CAMTA1: variants seen among roughly 807,000 people sequenced by gnomAD.
CAMTA1 encodes calmodulin binding transcription activator 1.
A neutral mutation model predicts 170.9 loss-of-function variants in CAMTA1; 27 were observed. The observed-to-expected ratio is 0.16, with a 90% CI of 0.12 to 0.22. The LOEUF (loss-of-function observed/expected upper bound fraction) is 0.22. CAMTA1 is among the 10% of genes least tolerant of loss of function. CAMTA1 has a pLI of 1.00. For missense variants in CAMTA1, 1,619 were observed against 2,217.2 expected (o/e 0.73, Z 5.42); for synonymous variants, 833 against 891.5 (o/e 0.93, Z 1.17).
chr1:6,824,364 A>C (rs1478549156), intron 2 of CAMTA1, among the ~76,000 whole-genome samples: 1 of 152,200 alleles, frequency 6.6e-6, no homozygotes, highest in East Asian at 1.9e-4. Context: ...CTCTTCTAGA[A>C]ATCATCAGGT....
At chr1:7,687,247 G>C (rs2096266662) in intron 11 of CAMTA1, among the ~76,000 whole-genome samples, 1 of 151,588 alleles carries the variant, frequency 6.6e-6, no homozygotes, top group Non-Finnish European at 1.5e-5. Context: ...AGGAGGGAGG[G>C]GGACAGCCAG....
intron 1 of CAMTA1, among the ~76,000 whole-genome samples, chr1:6,789,804 C>CTTTTTTT (rs34542033): frequency 7.0e-5 from 6 of 85,662 alleles, no homozygotes; most frequent in Non-Finnish European, 6.4e-5. Context: ...TTTAGTGTAT[C>CTTTTTTT]TTTTTTTTTT....
At chr1:7,656,359 C>T (rs1287611353) in intron 7 of CAMTA1, among the ~76,000 whole-genome samples, 1 of 152,236 alleles carries the variant, frequency 6.6e-6, no homozygotes, top group African/African-American at 2.4e-5. Context: ...ACTGCTTCCT[C>T]ATATAACCAT....
rs1022922845 is a variant in CAMTA1 at position 7,092,517 on chromosome 1, C to T, written c.302+1146C>T. ...GGAAGGAAGGTTAGTTATTGAGGCT[C>T]CCTTCCCCAGGTGGCTCTGAATGGT... is the stretch of plus-strand genomic sequence containing the variant. On this transcript the variant is annotated intron_variant, in intron 4 of 22. Transcript: ENST00000303635. The surrounding 1 kb of genome is among the most constrained non-coding windows in gnomAD (Gnocchi z 5.0). Among the ~76,000 whole-genome samples, 3 of 152,168 alleles carry T rather than the reference C, an allele frequency of 2.0e-5. No homozygotes were observed. Among genetic ancestry groups the T allele is most frequent in the African/African-American group, 7.2e-5 (3 of 41,434 alleles).
chr1:7,761,378 C>T (rs939116231), intron 22 of CAMTA1, among the ~76,000 whole-genome samples: 4 of 152,104 alleles, frequency 2.6e-5, no homozygotes, highest in Admixed American at 2.6e-4. Flanking sequence ...GGGAAGACTG[C>T]TTTGCCTGTC....
intron 1 of CAMTA1, among the ~76,000 whole-genome samples, chr1:6,801,656 T>C (rs1241938502): frequency 1.3e-5 from 2 of 152,348 alleles, no homozygotes; most frequent in South Asian, 2.1e-4. Flanking sequence ...TTTTATGTTA[T>C]GCATATTTTG....
At chr1:7,331,996 C>A (rs1363458250) in intron 5 of CAMTA1, among the ~76,000 whole-genome samples, 1 of 152,186 alleles carries the variant, frequency 6.6e-6, no homozygotes, top group South Asian at 2.1e-4. Context: ...TGGCTTCCCC[C>A]ACAACATAAA....
At chr1:7,421,500 G>A (rs2091556938) in intron 5 of CAMTA1, among the ~76,000 whole-genome samples, 1 of 152,326 alleles carries the variant, frequency 6.6e-6, no homozygotes, top group East Asian at 1.9e-4. Flanking sequence ...TGGAGAGGCT[G>A]AACGTGACGA....
At chr1:7,275,573 A>G (rs955192708) in intron 5 of CAMTA1, among the ~76,000 whole-genome samples, 4 of 152,130 alleles carry the variant, frequency 2.6e-5, no homozygotes, top group Non-Finnish European at 5.9e-5. Context: ...AAAAGGATGC[A>G]TCACTACAGA....
chr1:6,859,246 T>C lies in CAMTA1; in HGVS notation c.234+34036T>C, dbSNP rs867845571. On this transcript the variant is annotated intron_variant, in intron 3 of 22. Transcript: ENST00000303635. Reference sequence around the variant, plus strand: ...TTGAGTGTACATACAAGAGGAATCATATACAGCTTCCCTGTTTTTTCCTCC... The same window carrying C: ...TTGAGTGTACATACAAGAGGAATCACATACAGCTTCCCTGTTTTTTCCTCC... Among the ~76,000 whole-genome samples, 7 of 152,334 alleles carry C rather than the reference T, an allele frequency of 4.6e-5. No individual in the cohort carries two copies. The Middle Eastern group carries it at 0.01, about 222-fold the overall frequency.
intron 1 of CAMTA1, among the ~76,000 whole-genome samples, chr1:6,787,313 A>G (rs1476399422): frequency 6.6e-6 from 1 of 152,226 alleles, no homozygotes; most frequent in Non-Finnish European, 1.5e-5. Context: ...TTGTTGTACT[A>G]GAACCTTCCT....
rs966516448 is a variant in CAMTA1 at position 7,680,143 on chromosome 1, C to G, written c.2914+2410C>G. The G allele has an allele frequency of 3.1e-5, 6 of 193,070 alleles. No homozygotes were observed. The highest frequency in any genetic ancestry group is 5.6e-5 in the South Asian group (1 of 17,826). 12.0% of individuals were successfully genotyped at this position (193,070 alleles called of 1,614,324 possible). On this transcript the variant is annotated intron_variant, in intron 11 of 22. Coordinates refer to ENST00000303635, the MANE Select transcript of CAMTA1 (RefSeq NM_015215.4). This position sits in a 1 kb window ranked among gnomAD's most constrained non-coding sequence, Gnocchi z 4.4. ...CAGCTAGTCGGGAGCGCGGGGGTCC[C>G]GGGCCTCTGGCCAGCCACGGGGCCT...
intron 5 of CAMTA1, among the ~76,000 whole-genome samples, chr1:7,292,496 A>G (rs1408680352): frequency 1.3e-5 from 2 of 152,162 alleles, no homozygotes; most frequent in Non-Finnish European, 2.9e-5. Flanking sequence ...CAGCCTCGCC[A>G]TTCATCCTGA....
At chr1:6,815,477 T>C (rs1387496890) in intron 1 of CAMTA1, among the ~76,000 whole-genome samples, 2 of 152,220 alleles carry the variant, frequency 1.3e-5, no homozygotes, top group Admixed American at 1.3e-4. Context: ...GTGCTGGGAT[T>C]ACAGGTGTGA....
chr1:7,578,937 A>T (rs2150379817), intron 6 of CAMTA1, among the ~76,000 whole-genome samples: 1 of 152,334 alleles, frequency 6.6e-6, no homozygotes, highest in East Asian at 1.9e-4. Flanking sequence ...TTCAACCCAC[A>T]GCTGTGGCAA....
chr1:6,975,435 C>T (rs900888441), intron 3 of CAMTA1, among the ~76,000 whole-genome samples: 3 of 152,034 alleles, frequency 2.0e-5, no homozygotes, highest in African/African-American at 4.8e-5. Context: ...CTCCTCTGTG[C>T]GCTGTTTGCT....
chr1:7,756,297 C>A (rs916521863), intron 22 of CAMTA1, among the ~76,000 whole-genome samples: 1 of 152,034 alleles, frequency 6.6e-6, no homozygotes, highest in Admixed American at 6.6e-5. Flanking sequence ...AGCGAACTGG[C>A]CTTCCAGCAC....
chr1:7,229,974 C>T (rs1335245241), intron 4 of CAMTA1, among the ~76,000 whole-genome samples: 1 of 152,062 alleles, frequency 6.6e-6, no homozygotes, highest in Non-Finnish European at 1.5e-5. Context: ...GCTGAAGCTC[C>T]AAGGAATGAC....
At chr1:7,419,680 G>A (rs951313639) in intron 5 of CAMTA1, among the ~76,000 whole-genome samples, 3 of 152,100 alleles carry the variant, frequency 2.0e-5, no homozygotes, top group African/African-American at 7.2e-5. Flanking sequence ...TGACCTGGAC[G>A]TTTGCATTTC....
Sources: allele counts gnomAD v4.1 joint callset (sites outside exome capture counted in the v4.1 genomes callset), GRCh38; gene constraint gnomAD v4.1.1; non-coding constraint Gnocchi (gnomAD v3.1); transcripts MANE v1.5; gene names NCBI Gene and HGNC (gene_info 2026-07-23, HGNC 2026-07-21).